The following PSME3IP1 variants were observed in gnomAD, a reference collection of about 807,000 sequenced individuals.
PSME3IP1 encodes the protein proteasome activator subunit 3 interacting protein 1, also known as PSME3-interacting protein.
In PSME3IP1, 13 loss-of-function variants were observed where a neutral mutation model predicts 34.1. The observed-to-expected ratio is 0.38, with a 90% CI of 0.25 to 0.61. The LOEUF (loss-of-function observed/expected upper bound fraction) is 0.61, where lower values mean the gene tolerates loss of function less well. PSME3IP1 is among the 20% of genes least tolerant of loss of function. The probability of loss-of-function intolerance (pLI) is 0.60; values close to 1 mark genes in which losing one functional copy is unlikely to be tolerated. For missense variants in PSME3IP1, 237 were observed against 301.4 expected (o/e 0.79, Z 1.58); for synonymous variants, 93 against 114.3 (o/e 0.81, Z 1.19).
chr16:57,178,970 A>T (rs1005086713), intron 1 of PSME3IP1: 5 of 202,466 alleles, frequency 2.5e-5, no homozygotes, highest in Non-Finnish European at 4.4e-5. Context: ...AATTTTCACA[A>T]GTCTCTTCTT....
At position 57,154,467 on chromosome 16, in the gene PSME3IP1, A is replaced by G. The variant is rs200333306; in HGVS notation, c.588T>C (p.Ser196=). The G allele has an allele frequency of 1.9e-6, 3 of 1,613,332 alleles. No individual in the cohort carries two copies. Among genetic ancestry groups the G allele is most frequent in the Admixed American group, 3.3e-5 (2 of 59,966 alleles). The change falls in exon 7 of 7, where the codon AGT becomes AGC. Residue 196 remains serine, a synonymous_variant. Transcript: ENST00000309137. The surrounding 1 kb of genome is among the most constrained non-coding windows in gnomAD (Gnocchi z 4.0). Reference sequence around the variant, plus strand: ...CAGAGGGGCAGTGGATGGAGGGGCCACTCAGGGAGGTGTTTCCGAGAGACT... The same window carrying G: ...CAGAGGGGCAGTGGATGGAGGGGCCGCTCAGGGAGGTGTTTCCGAGAGACT... The part of the protein sequence containing the change: ...SCKSLGNTSL[S]GPSIHCPSAA...
At chr16:57,184,534 G>C (rs1483530136) in intron 1 of PSME3IP1, among the ~76,000 whole-genome samples, 1 of 152,176 alleles carries the variant, frequency 6.6e-6, no homozygotes, top group Non-Finnish European at 1.5e-5. Flanking sequence ...TGAAGACAAA[G>C]TATGTTCAAA....
At position 57,172,367 on chromosome 16, in the gene PSME3IP1, T is replaced by C. The variant is rs371988638; in HGVS notation, c.232A>G (p.Met78Val). ...TCATCTTCATCTAAGCCTCTTACCA[T>C]GTTTTCTGAGGAAATAATTAAACAA... ...EYEEQFKFKN[M>V]VRGLDEDETN... Residue 78 changes from methionine to valine, a missense_variant, in exon 4 of 7, where the codon ATG (methionine) becomes GTG (valine). Physicochemically the swap from Met to Val is conservative, Grantham distance 21. Coordinates refer to ENST00000309137, the MANE Select transcript of PSME3IP1 (RefSeq NM_024946.4). 30 of 1,613,638 alleles carry C rather than the reference T, an allele frequency of 1.9e-5. No individual in the cohort carries two copies. The highest frequency in any genetic ancestry group is 2.5e-5 in the Non-Finnish European group (30 of 1,179,942).
At chr16:57,172,094 C>T (rs1380046600) in intron 4 of PSME3IP1, among the ~76,000 whole-genome samples, 157 bp downstream of exon 4, 1 of 152,174 alleles carries the variant, frequency 6.6e-6, no homozygotes. Context: ...CCACAAACCA[C>T]TACCAGCTTT....
At chr16:57,156,851 G>C (rs1174590446) in intron 6 of PSME3IP1, among the ~76,000 whole-genome samples, 1 of 152,232 alleles carries the variant, frequency 6.6e-6, no homozygotes. Context: ...TTCATTTGCT[G>C]TTCAGGGAGT....
intron 1 of PSME3IP1, among the ~76,000 whole-genome samples, chr16:57,180,405 C>T (rs1387833072): frequency 3.3e-5 from 5 of 151,126 alleles, no homozygotes; most frequent in Non-Finnish European, 5.9e-5. Flanking sequence ...GCCTGGCCAA[C>T]AGGGTGAAAC....
chr16:57,162,517 T>C (rs1171063338), intron 6 of PSME3IP1, among the ~76,000 whole-genome samples: 1 of 151,444 alleles, frequency 6.6e-6, no homozygotes, highest in East Asian at 2.0e-4. Context: ...ATACAAAAAT[T>C]AGCTGGGCGT....
At chr16:57,172,147 T>C (rs769434869) in intron 4 of PSME3IP1, 104 bp downstream of exon 4, 12 of 1,227,188 alleles carry the variant, frequency 9.8e-6, no homozygotes, top group Non-Finnish European at 1.4e-5. Context: ...ACTTGAGAGA[T>C]CACCAGGTAG....
At chr16:57,173,896 A>C in intron 1 of PSME3IP1, 27 bp from the exon 2 acceptor site, 4 of 1,600,738 alleles carry the variant, frequency 2.5e-6, no homozygotes, top group Non-Finnish European at 3.4e-6. Context: ...AAAACAAAAA[A>C]AATCATTTCA....
chr16:57,156,114 T>C (rs74021608), intron 6 of PSME3IP1, among the ~76,000 whole-genome samples: 2,244 of 152,310 alleles, frequency 0.015, 58 homozygotes, highest in African/African-American at 0.051. Flanking sequence ...TTTCCGGCCT[T>C]ATTTAATCAC....
intron 6 of PSME3IP1, among the ~76,000 whole-genome samples, chr16:57,159,338 T>G (rs1436452632): frequency 6.6e-6 from 1 of 152,210 alleles, no homozygotes; most frequent in Non-Finnish European, 1.5e-5. Context: ...ATCTCACCCA[T>G]TTGGTGAAGT....
chr16:57,154,095 G>C lies in PSME3IP1; in HGVS notation c.*195C>G. 1.7e-6 allele frequency: 1 copy of C among 582,836 alleles called. No individual in the cohort carries two copies. The highest frequency in any genetic ancestry group is 3.0e-6 in the Non-Finnish European group (1 of 328,788). 36.1% of individuals were successfully genotyped at this position (582,836 alleles called of 1,614,324 possible). ...GACAGGTTTGGTCATCTGCAGTGGA[G>C]TAGAAAGAGGAACCAAACACGATTC... On this transcript the variant is annotated 3_prime_UTR_variant, in exon 7 of 7. Coordinates refer to ENST00000309137, the MANE Select transcript of PSME3IP1 (RefSeq NM_024946.4). The surrounding 1 kb of genome is among the most constrained non-coding windows in gnomAD (Gnocchi z 4.0).
At chr16:57,181,768 A>G (rs1193807359) in intron 1 of PSME3IP1, 2 of 152,220 alleles carry the variant, frequency 1.3e-5, no homozygotes, top group African/African-American at 4.8e-5. Context: ...CACTTTACTT[A>G]CATATACTGG....
intron 1 of PSME3IP1, among the ~76,000 whole-genome samples, chr16:57,176,395 C>T (rs1375489717): frequency 6.6e-6 from 1 of 152,100 alleles, no homozygotes; most frequent in East Asian, 1.9e-4. Flanking sequence ...ATAATCCACT[C>T]GACATCTGAA....
chr16:57,176,046 T>C (rs2145877318), intron 1 of PSME3IP1, among the ~76,000 whole-genome samples: 1 of 152,362 alleles, frequency 6.6e-6, no homozygotes, highest in Non-Finnish European at 1.5e-5. Context: ...TGGACACTTC[T>C]GATTTAGCAG....
At chr16:57,164,470 A>AT (rs141184331) in intron 5 of PSME3IP1, among the ~76,000 whole-genome samples, 1,803 of 152,312 alleles carry the variant, frequency 0.012, 41 homozygotes, top group African/African-American at 0.042. Context: ...CACCCACAAG[A>AT]TTTTCACTAA....
In PSME3IP1 at chr16:57,154,961, C is replaced by G. The variant is rs552000805; in HGVS notation, c.548-454G>C. Among the ~76,000 whole-genome samples the G allele has an allele frequency of 5.3e-5, 8 of 152,290 alleles. No individual in the cohort carries two copies. The highest frequency in any genetic ancestry group is 1.9e-4 in the African/African-American group (8 of 41,572). Reference sequence around the variant, plus strand: ...ATTACACCATTTCTTATTTACTGACCAATAAGCCAGCTAGCACAGATACAA... The same window carrying G: ...ATTACACCATTTCTTATTTACTGACGAATAAGCCAGCTAGCACAGATACAA... On this transcript the variant is annotated intron_variant, in intron 6 of 6. Coordinates refer to ENST00000309137, the MANE Select transcript of PSME3IP1 (RefSeq NM_024946.4). This position sits in a 1 kb window ranked among gnomAD's most constrained non-coding sequence, Gnocchi z 4.0.
chr16:57,185,736 C>T, intron 1 of PSME3IP1, 85 bp downstream of exon 1: 5 of 985,448 alleles, frequency 5.1e-6, no homozygotes, highest in South Asian at 4.7e-5. Flanking sequence ...TGGCCCTAAC[C>T]CTAACAGCAG....
At chr16:57,179,177 T>C (rs1046833263) in intron 1 of PSME3IP1, among the ~76,000 whole-genome samples, 1 of 152,232 alleles carries the variant, frequency 6.6e-6, no homozygotes, top group Non-Finnish European at 1.5e-5. Flanking sequence ...TACTCACGTT[T>C]TCCAAAGTGA....
Sources: gnomAD v4.1 joint callset for allele counts (sites outside exome capture counted in the v4.1 genomes callset) on GRCh38, gnomAD v4.1.1 for gene constraint, Gnocchi (gnomAD v3.1) non-coding constraint, MANE v1.5 for transcripts, NCBI Gene and HGNC (gene_info 2026-07-23, HGNC 2026-07-21) for gene names.